Variants in SLC25A13 observed in about 807,000 individuals in gnomAD.
SLC25A13 encodes solute carrier family 25 member 13, also known as electrogenic aspartate/glutamate antiporter SLC25A13, mitochondrial.
In SLC25A13, 70 loss-of-function variants were observed where a neutral mutation model predicts 85.5. The ratio of observed to expected loss-of-function variants is 0.82; its 90% CI spans 0.68 to 1.00. The LOEUF (loss-of-function observed/expected upper bound fraction) is 1.00, where lower values mean the gene tolerates loss of function less well. SLC25A13 is among the 50% of genes least tolerant of loss of function. The pLI is 0.00. For missense variants in SLC25A13, 765 were observed against 819.8 expected (o/e 0.93, Z 0.82); for synonymous variants, 259 against 288.7 (o/e 0.90, Z 1.04).
intron 3 of SLC25A13, among the ~76,000 whole-genome samples, chr7:96,239,343 C>T (rs887600693): frequency 6.7e-6 from 1 of 149,718 alleles, no homozygotes; most frequent in Non-Finnish European, 1.5e-5. Context: ...TATTACTTTA[C>T]AGCATGATAC....
intron 4 of SLC25A13, among the ~76,000 whole-genome samples, chr7:96,231,425 A>C (rs550101651): frequency 6.6e-6 from 1 of 152,062 alleles, no homozygotes. Context: ...AAACAACCCC[A>C]TTAAAAAGTG....
intron 13 of SLC25A13, 26 bp downstream of exon 13, chr7:96,170,019 T>C: frequency 6.2e-7 from 1 of 1,609,624 alleles, no homozygotes; most frequent in Non-Finnish European, 8.5e-7. Context: ...GTCTTTTCAA[T>C]GAAGAGAGCT....
intron 2 of SLC25A13, among the ~76,000 whole-genome samples, chr7:96,286,947 A>C (rs921277076): frequency 6.6e-6 from 1 of 152,176 alleles, no homozygotes; most frequent in African/African-American, 2.4e-5. Context: ...CTCCCAAGCT[A>C]AAGAAGAATC....
At chr7:96,156,774 T>C (rs1008251192) in intron 13 of SLC25A13, among the ~76,000 whole-genome samples, 6 of 151,932 alleles carry the variant, frequency 3.9e-5, no homozygotes, top group Non-Finnish European at 7.4e-5. Context: ...TTCAAATTCC[T>C]GACCTCAAGT....
At position 96,193,098 on chromosome 7, in the gene SLC25A13, T is replaced by A; in HGVS notation, c.554A>T (p.Asp185Val). The change falls in exon 6 of 18, where the codon GAC (aspartate) becomes GTC (valine). Residue 185 changes from aspartate (D) to valine (V), a missense_variant. Coordinates refer to ENST00000265631, the MANE Select transcript of SLC25A13 (RefSeq NM_014251.3). Reference protein sequence around the residue: ...TGRVTAIDFRDIMVTIRPHVL... With the variant: ...TGRVTAIDFRVIMVTIRPHVL... ...ATGGGGGCGGATGGTGACCATGATG[T>A]CTCGGAAGTCGATGGCTGTGACTCT... 2.5e-6 allele frequency: 4 copies of A among 1,614,144 alleles called. No homozygotes were observed. In the South Asian group the frequency reaches 4.4e-5, roughly 18 times the overall value.
chr7:96,307,263 G>C (rs762288605), intron 1 of SLC25A13, among the ~76,000 whole-genome samples: 3 of 152,078 alleles, frequency 2.0e-5, no homozygotes, highest in Non-Finnish European at 4.4e-5. Flanking sequence ...AATGTGTACA[G>C]AACACCTATT....
intron 5 of SLC25A13, among the ~76,000 whole-genome samples, chr7:96,195,390 C>T (rs1301653748): frequency 6.6e-6 from 1 of 152,146 alleles, no homozygotes; most frequent in Non-Finnish European, 1.5e-5. Context: ...CCAAATGCAC[C>T]TTTTCCTTTT....
chr7:96,305,030 G>T lies in SLC25A13; in HGVS notation c.16-8079C>A, dbSNP rs531713713. Among the ~76,000 whole-genome samples the T allele has an allele frequency of 3.3e-5, 5 of 152,156 alleles. No homozygotes were observed. The East Asian group carries it at 7.7e-4, about 23-fold the overall frequency. Reference sequence around the variant, plus strand: ...AACAATGACCAGCTAACTTTTACTGGGTCCTTAACTCTATGCCAGGCATTA... The same window carrying T: ...AACAATGACCAGCTAACTTTTACTGTGTCCTTAACTCTATGCCAGGCATTA... On this transcript the variant is annotated intron_variant, in intron 1 of 17. Transcript: ENST00000265631.
intron 5 of SLC25A13, among the ~76,000 whole-genome samples, chr7:96,195,150 G>A (rs1460876745): frequency 1.3e-5 from 2 of 152,084 alleles, no homozygotes; most frequent in African/African-American, 4.8e-5. Flanking sequence ...ATATATCCAC[G>A]TGGGTATCGT....
chr7:96,159,197 C>T (rs1343158291), intron 13 of SLC25A13, among the ~76,000 whole-genome samples: 1 of 152,176 alleles, frequency 6.6e-6, no homozygotes, highest in East Asian at 1.9e-4. Flanking sequence ...GATACATCAT[C>T]ACCCTCCTGC....
At chr7:96,210,563 T>C (rs1034823999) in intron 4 of SLC25A13, among the ~76,000 whole-genome samples, 1 of 152,214 alleles carries the variant, frequency 6.6e-6, no homozygotes, top group African/African-American at 2.4e-5. Context: ...TTCTAATGGC[T>C]GTAAGTCCCT....
At chr7:96,229,932 C>G (rs1032251759) in intron 4 of SLC25A13, among the ~76,000 whole-genome samples, 3 of 152,220 alleles carry the variant, frequency 2.0e-5, no homozygotes, top group Non-Finnish European at 2.9e-5. Flanking sequence ...CACACCATTA[C>G]TTTGGAAAAC....
At chr7:96,136,968 C>T (rs1308730215) in intron 14 of SLC25A13, among the ~76,000 whole-genome samples, 2 of 152,198 alleles carry the variant, frequency 1.3e-5, no homozygotes, top group East Asian at 3.9e-4. Flanking sequence ...TCTTTTCCTA[C>T]CTTACAGGTT....
intron 2 of SLC25A13, among the ~76,000 whole-genome samples, chr7:96,295,103 T>G (rs1799298430): frequency 6.6e-6 from 1 of 152,202 alleles, no homozygotes; most frequent in African/African-American, 2.4e-5. Flanking sequence ...ACACCTGTAA[T>G]CCCAGCACTT....
chr7:96,148,632 T>A (rs2116489562), intron 13 of SLC25A13, among the ~76,000 whole-genome samples: 1 of 152,318 alleles, frequency 6.6e-6, no homozygotes, highest in Non-Finnish European at 1.5e-5. Flanking sequence ...GGGGTAGAAT[T>A]GCTGAGAAAG....
At chr7:96,265,254 C>G (rs1210866105) in intron 3 of SLC25A13, among the ~76,000 whole-genome samples, 1 of 152,168 alleles carries the variant, frequency 6.6e-6, no homozygotes, top group East Asian at 1.9e-4. Context: ...CACCGGTCAA[C>G]TGGGAAAATA....
chr7:96,132,137 C>G (rs1335716917), intron 14 of SLC25A13, among the ~76,000 whole-genome samples: 1 of 152,214 alleles, frequency 6.6e-6, no homozygotes, highest in Non-Finnish European at 1.5e-5. Flanking sequence ...AATGCTAAGA[C>G]TTCAATTAAA....
At chr7:96,240,377 G>A (rs1796923363) in intron 3 of SLC25A13, among the ~76,000 whole-genome samples, 1 of 152,102 alleles carries the variant, frequency 6.6e-6, no homozygotes, top group South Asian at 2.1e-4. Context: ...GTAAAGATGG[G>A]AGATGCGGGA....
chr7:96,233,887 C>G (rs1796648123), intron 4 of SLC25A13, among the ~76,000 whole-genome samples: 1 of 152,202 alleles, frequency 6.6e-6, no homozygotes, highest in Non-Finnish European at 1.5e-5. Flanking sequence ...AAGCACAAGA[C>G]AGGCAGAAGT....
Sources: allele counts gnomAD v4.1 joint callset (sites outside exome capture counted in the v4.1 genomes callset), GRCh38; gene constraint gnomAD v4.1.1; transcripts MANE v1.5; gene names NCBI Gene and HGNC (gene_info 2026-07-23, HGNC 2026-07-21).